LAMA2: variants seen among roughly 807,000 people sequenced by gnomAD.
LAMA2 encodes laminin subunit alpha-2.
A neutral mutation model predicts 364.8 loss-of-function variants in LAMA2; 269 were observed. The observed-to-expected ratio is 0.74, with a 90% CI of 0.67 to 0.82. The LOEUF is 0.82. Ranked by LOEUF, LAMA2 falls within the 40% of genes least tolerant of loss-of-function variation. The pLI, the probability that LAMA2 is intolerant of heterozygous loss-of-function variation, is 0.00. For synonymous variants in LAMA2, 1,379 were observed against 1,370.6 expected (o/e 1.01, Z -0.14); for missense variants, 3,807 against 3,873.2 (o/e 0.98, Z 0.45).
At chr6:129,274,065 G>C (rs965795197) in intron 17 of LAMA2, among the ~76,000 whole-genome samples, 1 of 151,880 alleles carries the variant, frequency 6.6e-6, no homozygotes, top group Non-Finnish European at 1.5e-5. Flanking sequence ...AGAGAGGGCA[G>C]TGATAATTCA....
chr6:129,229,504 T>G (rs951578014), intron 12 of LAMA2, among the ~76,000 whole-genome samples: 1 of 152,218 alleles, frequency 6.6e-6, no homozygotes, highest in South Asian at 2.1e-4. Flanking sequence ...CTTCACATTT[T>G]TCTTGCAATG....
chr6:128,980,515 G>A (rs533903533), intron 1 of LAMA2, among the ~76,000 whole-genome samples: 1 of 152,262 alleles, frequency 6.6e-6, no homozygotes, highest in African/African-American at 2.4e-5. Flanking sequence ...TTTTGTGTGT[G>A]TGGAACATTT....
chr6:128,987,126 G>GTTTT (rs377549921), intron 1 of LAMA2, among the ~76,000 whole-genome samples: 75 of 121,060 alleles, frequency 6.2e-4, no homozygotes, highest in Admixed American at 8.6e-4. Context: ...AGGATAGTTT[G>GTTTT]TTTTTTTTTT....
chr6:129,495,082 A>T (rs1004364170), intron 58 of LAMA2, among the ~76,000 whole-genome samples: 1 of 152,220 alleles, frequency 6.6e-6, no homozygotes, highest in Non-Finnish European at 1.5e-5. Flanking sequence ...TTTACATGAT[A>T]CTTACAGCCT....
At position 129,295,833 on chromosome 6, in the gene LAMA2, C is replaced by T. The variant is rs547160392; in HGVS notation, c.2857-1852C>T. Among the ~76,000 whole-genome samples the T allele has an allele frequency of 5.3e-5, 8 of 151,316 alleles. No homozygotes were observed. In the East Asian group the frequency reaches 5.8e-4, roughly 11 times the overall value. On this transcript the variant is annotated intron_variant, in intron 20 of 64. Transcript: ENST00000421865. Reference sequence around the variant, plus strand: ...TATATATATGTGTTTATACATATATCGGCATAGATATATGAGTGAAGACAA... The same window carrying T: ...TATATATATGTGTTTATACATATATTGGCATAGATATATGAGTGAAGACAA...
intron 17 of LAMA2, among the ~76,000 whole-genome samples, chr6:129,279,299 G>A (rs1583403744): frequency 6.6e-6 from 1 of 152,264 alleles, no homozygotes; most frequent in East Asian, 1.9e-4. Context: ...AAGCATGGCT[G>A]GAGTGAAACA....
intron 4 of LAMA2, among the ~76,000 whole-genome samples, chr6:129,111,416 T>A (rs2114900825): frequency 6.6e-6 from 1 of 152,134 alleles, no homozygotes; most frequent in South Asian, 2.1e-4. Flanking sequence ...TTATATTTTC[T>A]TTGTGTAAAT....
chr6:128,945,144 A>G (rs1027406411), intron 1 of LAMA2, among the ~76,000 whole-genome samples: 6 of 152,230 alleles, frequency 3.9e-5, no homozygotes, highest in Non-Finnish European at 8.8e-5. Flanking sequence ...AATATCTGAG[A>G]AAATATCAGT....
intron 4 of LAMA2, among the ~76,000 whole-genome samples, chr6:129,126,528 A>G (rs566600108): frequency 3.3e-5 from 5 of 151,296 alleles, no homozygotes; most frequent in African/African-American, 1.2e-4. Flanking sequence ...CTCAATGTGT[A>G]CAATTCTACT....
chr6:129,485,621 A>C (rs1784550794), intron 55 of LAMA2, among the ~76,000 whole-genome samples: 1 of 152,190 alleles, frequency 6.6e-6, no homozygotes, highest in Non-Finnish European at 1.5e-5. Flanking sequence ...TCCATGAGCT[A>C]AGGAATTTTT....
intron 27 of LAMA2, among the ~76,000 whole-genome samples, chr6:129,320,139 A>G (rs1774864800): frequency 6.6e-6 from 1 of 151,484 alleles, no homozygotes; most frequent in Admixed American, 6.6e-5. Flanking sequence ...TCTCAAATAA[A>G]TAAATAAATA....
chr6:128,935,980 C>A lies in LAMA2; in HGVS notation c.112+52623C>A, dbSNP rs115415002. Among the ~76,000 whole-genome samples the A allele has an allele frequency of 4.4e-3, 673 of 152,204 alleles. 6 individuals are homozygous for A. The highest frequency in any genetic ancestry group is 0.015 in the African/African-American group (628 of 41,538). ...ATTGAATCATGGAGGCCAGTTTCCCCGATGCTTTTCTTGTGATAGTGAGTG... is the reference window on the plus strand; with the variant it reads ...ATTGAATCATGGAGGCCAGTTTCCCAGATGCTTTTCTTGTGATAGTGAGTG... On this transcript the variant is annotated intron_variant, in intron 1 of 64. Coordinates refer to ENST00000421865, the MANE Select transcript of LAMA2 (RefSeq NM_000426.4).
chr6:128,921,575 C>A (rs112900686), intron 1 of LAMA2, among the ~76,000 whole-genome samples: 23 of 152,104 alleles, frequency 1.5e-4, no homozygotes, highest in African/African-American at 5.3e-4. Flanking sequence ...GGTGCATCCA[C>A]AAGCCAAGCA....
At chr6:129,358,240 TCACC>T (rs1777263969) in intron 32 of LAMA2, among the ~76,000 whole-genome samples, 1 of 152,028 alleles carries the variant, frequency 6.6e-6, no homozygotes, top group East Asian at 1.9e-4. Flanking sequence ...ATGGCAACTA[TCACC>T]GTGATTCTAG....
intron 12 of LAMA2, among the ~76,000 whole-genome samples, chr6:129,211,192 T>G (rs1007009128): frequency 1.3e-5 from 2 of 152,020 alleles, no homozygotes; most frequent in Admixed American, 1.3e-4. Flanking sequence ...TGACAACAAT[T>G]GAAAAGAAAA....
At chr6:129,397,111 A>G (rs1039598765) in intron 37 of LAMA2, among the ~76,000 whole-genome samples, 14 of 152,290 alleles carry the variant, frequency 9.2e-5, no homozygotes, top group African/African-American at 3.4e-4. Context: ...AAAGAAAAAG[A>G]AAGTGTCCAA....
At chr6:129,014,765 A>G (rs1021957023) in intron 1 of LAMA2, among the ~76,000 whole-genome samples, 2 of 152,170 alleles carry the variant, frequency 1.3e-5, no homozygotes, top group African/African-American at 2.4e-5. Flanking sequence ...AGCTCCCCCA[A>G]TAATTAGATA....
At chr6:129,226,694 G>A (rs898132235) in intron 12 of LAMA2, among the ~76,000 whole-genome samples, 2 of 152,090 alleles carry the variant, frequency 1.3e-5, no homozygotes, top group African/African-American at 4.8e-5. Context: ...TTTCTGCCGA[G>A]CGATCTGCTG....
intron 55 of LAMA2, among the ~76,000 whole-genome samples, chr6:129,486,184 A>G (rs933534484): frequency 6.6e-6 from 1 of 152,192 alleles, no homozygotes; most frequent in Non-Finnish European, 1.5e-5. Context: ...GATGGGTTTT[A>G]TAAGTTAGAG....
Sources: allele counts gnomAD v4.1 joint callset (sites outside exome capture counted in the v4.1 genomes callset), GRCh38; gene constraint gnomAD v4.1.1; transcripts MANE v1.5; gene names NCBI Gene and HGNC (gene_info 2026-07-23, HGNC 2026-07-21).